Variants in ATP7A observed in about 807,000 individuals in gnomAD.
The protein encoded by ATP7A is copper-transporting ATPase 1.
In ATP7A, 7 loss-of-function variants were observed where a neutral mutation model predicts 83.5. The observed-to-expected ratio is 0.08, with a 90% CI of 0.05 to 0.16. The LOEUF is 0.16. ATP7A is among the 10% of genes least tolerant of loss of function. The probability of loss-of-function intolerance (pLI) is 1.00; values close to 1 mark genes in which losing one functional copy is unlikely to be tolerated. For synonymous variants in ATP7A, 354 were observed against 395.2 expected, an observed-to-expected ratio of 0.90 and a Z score of 1.24; for missense variants, 940 against 1,120.8, an observed-to-expected ratio of 0.84 and a Z score of 2.30.
At chrX:77,991,240 G>C (rs948834852) in intron 4 of ATP7A, among the ~76,000 whole-genome samples, 1 of 111,313 alleles carries the variant, frequency 9.0e-6, no homozygotes, top group African/African-American at 3.3e-5. Context: ...CCCTCCCCAA[G>C]CTCCTGATAA....
chrX:77,998,375 G>A (rs2077717595), intron 4 of ATP7A, 103 bp from the exon 5 acceptor site: 3 of 832,001 alleles, frequency 3.6e-6, no homozygotes, highest in Non-Finnish European at 5.4e-6. Context: ...TCGTTTTAAA[G>A]GAATAGATTG....
In ATP7A at chrX:77,970,820, C is replaced by A. The variant is rs150784272; in HGVS notation, c.-21-801C>A. The stretch of plus-strand genomic sequence containing the variant: ...AATTTGTGGGCGTATTTTAAAACCA[C>A]CACAGGAAGGCAGACAATAAGCAAT... On this transcript the variant is annotated intron_variant, in intron 1 of 22. Transcript: ENST00000341514. 2.9e-3 allele frequency among the ~76,000 whole-genome samples: 327 copies of A among 112,121 alleles called. 1 individual carries two copies. The highest frequency in any genetic ancestry group is 0.01 in the African/African-American group (320 of 30,826).
intron 1 of ATP7A, among the ~76,000 whole-genome samples, chrX:77,948,685 A>G (rs2077397439): frequency 9.0e-6 from 1 of 111,094 alleles, no homozygotes; most frequent in African/African-American, 3.3e-5. Context: ...TGGGAAGAAC[A>G]AAGTGGACGT....
intron 12 of ATP7A, among the ~76,000 whole-genome samples, chrX:78,019,659 G>A (rs914444876): frequency 2.7e-5 from 3 of 110,500 alleles, no homozygotes; most frequent in Non-Finnish European, 3.8e-5. Context: ...TGTAGAGATC[G>A]AGTTTTGCCA....
chrX:77,994,714 C>T (rs932193475), intron 4 of ATP7A, among the ~76,000 whole-genome samples: 2 of 110,605 alleles, frequency 1.8e-5, no homozygotes, highest in African/African-American at 6.6e-5. Flanking sequence ...TAATTTTTTT[C>T]TATTTTTTGT....
At chrX:78,046,127 T>C (rs1195820385) in intron 22 of ATP7A, among the ~76,000 whole-genome samples, 167 bp from the exon 23 acceptor site, 1 of 112,452 alleles carries the variant, frequency 8.9e-6, no homozygotes, top group Non-Finnish European at 1.9e-5. Flanking sequence ...TCTGATGATA[T>C]AACTCCACAC....
intron 1 of ATP7A, among the ~76,000 whole-genome samples, chrX:77,933,545 A>G (rs2077301673): frequency 8.9e-6 from 1 of 112,046 alleles, no homozygotes; most frequent in Admixed American, 9.5e-5. Flanking sequence ...GAATTTTTGG[A>G]TTTTGGAATA....
At chrX:77,975,349 A>T (rs1215374789) in intron 2 of ATP7A, among the ~76,000 whole-genome samples, 3 of 110,477 alleles carry the variant, frequency 2.7e-5, no homozygotes, top group African/African-American at 9.9e-5. Flanking sequence ...GTTTTTGAAC[A>T]TATTTTTTTC....
At chrX:77,954,421 C>T (rs782380846) in intron 1 of ATP7A, among the ~76,000 whole-genome samples, 1 of 112,109 alleles carries the variant, frequency 8.9e-6, no homozygotes, top group South Asian at 3.6e-4. Flanking sequence ...GGATTACAGG[C>T]GTGAGCAACT....
intron 1 of ATP7A, among the ~76,000 whole-genome samples, chrX:77,920,238 C>T (rs2077205882): frequency 1.9e-5 from 2 of 104,659 alleles, no homozygotes; most frequent in Non-Finnish European, 3.9e-5. Flanking sequence ...TTTTTTGAGA[C>T]GGAATCTCGC....
At chrX:77,978,957 G>A (rs1181159830) in intron 2 of ATP7A, among the ~76,000 whole-genome samples, 1 of 110,543 alleles carries the variant, frequency 9.0e-6, no homozygotes, top group Admixed American at 9.7e-5. Flanking sequence ...TCAGCCTCCC[G>A]AGTAGCTGGC....
rs782403280 is a variant in ATP7A at position 78,049,279 on chromosome X, CAT to C, written c.*2716_*2717del. Reference sequence around the variant, plus strand: ...ATTCACATACATATATATATACACACATATATATGTACATACACATACATACA... The same window carrying C: ...ATTCACATACATATATATATACACACATATATGTACATACACATACATACA... On this transcript the variant is annotated 3_prime_UTR_variant, in exon 23 of 23. Coordinates refer to ENST00000341514, the MANE Select transcript of ATP7A (RefSeq NM_000052.7). The C allele has an allele frequency of 6.3e-5, 7 of 111,851 alleles. No individual in the cohort carries two copies. The South Asian group carries it at 2.6e-3, about 41-fold the overall frequency. 9.2% of individuals were successfully genotyped at this position (111,851 alleles called of 1,213,427 possible).
At chrX:77,931,929 CGGCTGGCTGGGCGGGG>C (rs1163975924) in intron 1 of ATP7A, among the ~76,000 whole-genome samples, 10 of 95,567 alleles carry the variant, frequency 1.0e-4, no homozygotes, top group Admixed American at 7.6e-4. Flanking sequence ...CCGGACCGGG[CGGCTGGCTGGGCGGGG>C]GGCTGACCCC....
At chrX:77,967,679 T>C (rs2077517412) in intron 1 of ATP7A, among the ~76,000 whole-genome samples, 1 of 112,144 alleles carries the variant, frequency 8.9e-6, no homozygotes, top group Non-Finnish European at 1.9e-5. Context: ...TTGCAAAATG[T>C]TTTCTCCCAT....
chrX:78,040,856 C>A, intron 19 of ATP7A, 123 bp downstream of exon 19: 1 of 901,723 alleles, frequency 1.1e-6, no homozygotes, highest in Non-Finnish European at 1.6e-6. Context: ...CTATCTGGTT[C>A]CTTCAAGAAA....
At chrX:78,011,141 C>G (rs2081936431) in intron 7 of ATP7A, 35 bp from the exon 8 acceptor site, 1 of 1,110,323 alleles carries the variant, frequency 9.0e-7, no homozygotes. Flanking sequence ...TTTATATGTT[C>G]AGTGAAATAA....
At chrX:78,024,801 G>A (rs1557236161) in intron 14 of ATP7A, among the ~76,000 whole-genome samples, 1 of 111,409 alleles carries the variant, frequency 9.0e-6, no homozygotes, top group Non-Finnish European at 1.9e-5. Context: ...CAAAAGAGAA[G>A]CTGATCATGT....
intron 1 of ATP7A, among the ~76,000 whole-genome samples, chrX:77,948,778 C>A (rs2077398043): frequency 8.9e-6 from 1 of 111,834 alleles, no homozygotes; most frequent in Non-Finnish European, 1.9e-5. Context: ...AACTCTCTAC[C>A]ATGGTCGGTC....
rs1557231588 is a variant in ATP7A at position 77,988,374 on chromosome X, A to T, written c.253A>T (p.Thr85Ser). The change falls in exon 3 of 23, where the codon ACT (threonine) becomes TCT (serine). Residue 85 changes from threonine (T) to serine (S), a missense_variant. Transcript: ENST00000341514. The stretch of plus-strand genomic sequence containing the variant: ...TAATCCTGACCCTCTCCCTGTTTTA[A>T]CTGACACCTTGTTTCTGACTGTTAC... ...IHNPDPLPVL[T>S]DTLFLTVTAS... The T allele has an allele frequency of 8.3e-7, 1 of 1,211,230 alleles. No individual in the cohort carries two copies. Among genetic ancestry groups the T allele is most frequent in the Non-Finnish European group, 1.1e-6 (1 of 895,196 alleles).
Sources: gnomAD v4.1 joint callset for allele counts (sites outside exome capture counted in the v4.1 genomes callset) on GRCh38, gnomAD v4.1.1 for gene constraint, MANE v1.5 for transcripts, NCBI Gene and HGNC (gene_info 2026-07-23, HGNC 2026-07-21) for gene names.